GREB1L: variants seen among roughly 807,000 people sequenced by gnomAD.
The protein encoded by GREB1L is GREB1-like protein.
Under a neutral mutation model 200.8 loss-of-function variants are expected in GREB1L, and 17 were observed. The ratio of observed to expected loss-of-function variants is 0.08; its 90% CI spans 0.06 to 0.13. GREB1L has a LOEUF of 0.13. Ranked by LOEUF, GREB1L falls within the 10% of genes least tolerant of loss-of-function variation. The pLI is 1.00. For missense variants in GREB1L, 1,657 were observed against 2,367.7 expected (o/e 0.70, Z 6.23); for synonymous variants, 789 against 893.0 (o/e 0.88, Z 2.08).
chr18:21,256,289 T>C (rs1399213061), intron 1 of GREB1L, among the ~76,000 whole-genome samples: 1 of 152,194 alleles, frequency 6.6e-6, no homozygotes, highest in African/African-American at 2.4e-5. Flanking sequence ...CTGCTCTACT[T>C]TGATGATTTA....
chr18:21,483,413 A>C (rs2035997905), intron 17 of GREB1L, among the ~76,000 whole-genome samples: 1 of 152,184 alleles, frequency 6.6e-6, no homozygotes, highest in Non-Finnish European at 1.5e-5. Context: ...TGACACAGTT[A>C]CCCAGAACAC....
intron 11 of GREB1L, among the ~76,000 whole-genome samples, chr18:21,448,265 T>C (rs1270772954): frequency 1.3e-5 from 2 of 152,130 alleles, no homozygotes; most frequent in East Asian, 3.8e-4. Flanking sequence ...AAAATCTGTT[T>C]ATGAGAATTC....
chr18:21,469,241 C>A (rs1031038508), intron 15 of GREB1L, among the ~76,000 whole-genome samples: 12 of 152,082 alleles, frequency 7.9e-5, no homozygotes, highest in Non-Finnish European at 1.6e-4. Context: ...TAATTAAATT[C>A]TGTAAGGAAA....
chr18:21,380,754 ACTAT>A (rs775688303), intron 2 of GREB1L: 1 of 152,216 alleles, frequency 6.6e-6, no homozygotes, highest in Non-Finnish European at 1.5e-5. Flanking sequence ...TGCTTAGTAG[ACTAT>A]CTAGCCCAAT....
At chr18:21,512,958 T>C (rs1345717649) in intron 27 of GREB1L, among the ~76,000 whole-genome samples, 1 of 152,208 alleles carries the variant, frequency 6.6e-6, no homozygotes, top group Non-Finnish European at 1.5e-5. Context: ...ACCTACGTTT[T>C]GTTTCATTTT....
intron 1 of GREB1L, among the ~76,000 whole-genome samples, chr18:21,251,831 G>A (rs1291308451): frequency 6.6e-6 from 1 of 151,716 alleles, no homozygotes. Flanking sequence ...TGTAATCCCA[G>A]CTACTCAGGA....
intron 32 of GREB1L, 111 bp downstream of exon 32, chr18:21,520,934 C>T (rs1363365866): frequency 8.7e-6 from 7 of 802,326 alleles, no homozygotes; most frequent in African/African-American, 3.5e-5. Context: ...AGTGGCTCAA[C>T]GCCTGTAATC....
At position 21,508,744 on chromosome 18, in the gene GREB1L, T is replaced by C. The variant is rs1259154229; in HGVS notation, c.4735+153T>C. 24 of 668,250 alleles carry C rather than the reference T, an allele frequency of 3.6e-5. No individual in the cohort carries two copies. The Admixed American group carries it at 6.9e-4, about 19-fold the overall frequency. The allele number at this position is 668,250 out of a possible 1,614,324, so 41.4% of individuals were successfully genotyped here. A position where few individuals can be genotyped will look rare whatever the true frequency, so the allele number is the denominator to read the frequency against. ...AAAAAAAAAAAAAAAGCTTTTTGAC[T>C]CTCCCTTGAATTTGAGTTTTCTTTT... On this transcript the variant is annotated intron_variant, in intron 27 of 32. Transcript: ENST00000424526.
intron 2 of GREB1L, among the ~76,000 whole-genome samples, chr18:21,372,370 A>G (rs2039908697): frequency 1.3e-5 from 2 of 150,220 alleles, no homozygotes; most frequent in Middle Eastern, 3.4e-3. Context: ...CTGGTCTTGA[A>G]CTCCTGACCT....
intron 23 of GREB1L, among the ~76,000 whole-genome samples, chr18:21,504,405 A>G (rs2036927999): frequency 6.6e-6 from 1 of 152,204 alleles, no homozygotes; most frequent in Non-Finnish European, 1.5e-5. Flanking sequence ...GTGTGATGGT[A>G]CACGCCTGCA....
chr18:21,436,885 A>AT (rs1048522952), intron 7 of GREB1L, among the ~76,000 whole-genome samples: 22 of 151,662 alleles, frequency 1.5e-4, no homozygotes, highest in African/African-American at 5.3e-4. Flanking sequence ...TAATTTTTGC[A>AT]TTTTTTGTAC....
At chr18:21,515,350 G>T in intron 28 of GREB1L, 67 bp from the exon 29 acceptor site, 1 of 1,082,556 alleles carries the variant, frequency 9.2e-7, no homozygotes, top group South Asian at 1.4e-5. Flanking sequence ...GTAGTGTGTA[G>T]ACACTTCACA....
rs1035010866 is a variant in GREB1L at position 21,485,634 on chromosome 18, CGAG to C, written c.2575_2577del (p.Glu859del). ...TTTTGAACCAGGAGGACGTGGGCTG[CGAG>C]GAGAAGCTGTACTTTGGCTTGAGTG... is the stretch of plus-strand genomic sequence containing the variant. On this transcript the variant is annotated inframe_deletion, in exon 18 of 33. Transcript: ENST00000424526. The C allele has an allele frequency of 8.4e-6, 13 of 1,551,004 alleles. No homozygotes were observed. In the African/African-American group the frequency reaches 1.4e-4, roughly 16 times the overall value.
chr18:21,407,177 T>C (rs1173077926), intron 7 of GREB1L, among the ~76,000 whole-genome samples: 2 of 152,078 alleles, frequency 1.3e-5, no homozygotes, highest in Non-Finnish European at 2.9e-5. Flanking sequence ...CCTGGCCTTC[T>C]CTTAACATTT....
At chr18:21,392,201 G>A (rs190990577) in intron 4 of GREB1L, among the ~76,000 whole-genome samples, 1 of 152,338 alleles carries the variant, frequency 6.6e-6, no homozygotes, top group African/African-American at 2.4e-5. Flanking sequence ...AGTGTTGAGT[G>A]CATTGAATAA....
At chr18:21,458,441 C>T (rs1406503116) in intron 15 of GREB1L, among the ~76,000 whole-genome samples, 3 of 152,178 alleles carry the variant, frequency 2.0e-5, no homozygotes, top group African/African-American at 7.2e-5. Flanking sequence ...CATTTGCCTC[C>T]TTTACTAAAG....
intron 7 of GREB1L, among the ~76,000 whole-genome samples, chr18:21,421,330 C>T (rs1488551345): frequency 6.6e-6 from 1 of 152,078 alleles, no homozygotes; most frequent in African/African-American, 2.4e-5. Flanking sequence ...TAGGAAGATA[C>T]CTGATTTAAC....
At chr18:21,330,264 A>C (rs2039088582) in intron 1 of GREB1L, among the ~76,000 whole-genome samples, 1 of 152,144 alleles carries the variant, frequency 6.6e-6, no homozygotes, top group Admixed American at 6.5e-5. Flanking sequence ...ATTATTTGGA[A>C]ATTGGGAAGG....
At chr18:21,436,392 G>C (rs1379753767) in intron 7 of GREB1L, among the ~76,000 whole-genome samples, 1 of 152,116 alleles carries the variant, frequency 6.6e-6, no homozygotes, top group Non-Finnish European at 1.5e-5. Context: ...CCATCACTTT[G>C]GGAGGCCAAG....
Sources: allele counts gnomAD v4.1 joint callset (sites outside exome capture counted in the v4.1 genomes callset), GRCh38; gene constraint gnomAD v4.1.1; transcripts MANE v1.5; gene names NCBI Gene and HGNC (gene_info 2026-07-23, HGNC 2026-07-21).